The following DERA variants were observed in gnomAD, a reference collection of about 807,000 sequenced individuals.
The protein encoded by DERA is deoxyribose-phosphate aldolase.
Under a neutral mutation model 41.1 loss-of-function variants are expected in DERA, and 15 were observed. The ratio of observed to expected loss-of-function variants is 0.37; its 90% CI spans 0.24 to 0.56. The LOEUF (loss-of-function observed/expected upper bound fraction) is 0.56, where lower values mean the gene tolerates loss of function less well. Ranked by LOEUF, DERA falls within the 20% of genes least tolerant of loss-of-function variation. The pLI is 0.81. For synonymous variants in DERA, 139 were observed against 137.4 expected (o/e 1.01, Z -0.08); for missense variants, 396 against 403.4 (o/e 0.98, Z 0.16).
chr12:15,953,589 A>G (rs11056738), intron 1 of DERA, among the ~76,000 whole-genome samples: 33,828 of 152,136 alleles, frequency 0.22, 4,051 homozygotes, highest in Admixed American at 0.33. Context: ...AAGAGAAGAT[A>G]TCATTGCCTT....
intron 1 of DERA, among the ~76,000 whole-genome samples, chr12:15,919,983 T>C (rs1411389383): frequency 6.6e-6 from 1 of 151,142 alleles, no homozygotes; most frequent in African/African-American, 2.4e-5. Context: ...TGTGTGTGTG[T>C]GTGTGTGTGT....
intron 7 of DERA, among the ~76,000 whole-genome samples, chr12:16,033,443 C>A (rs965519960): frequency 1.3e-5 from 2 of 152,034 alleles, no homozygotes; most frequent in African/African-American, 2.4e-5. Flanking sequence ...TTTTTTGAAA[C>A]ATATGAAGTT....
At chr12:15,927,233 C>G (rs1278247427) in intron 1 of DERA, among the ~76,000 whole-genome samples, 2 of 151,966 alleles carry the variant, frequency 1.3e-5, no homozygotes, top group Non-Finnish European at 2.9e-5. Flanking sequence ...TTTCTAGGTC[C>G]CTGCATTGTC....
chr12:15,934,644 A>G (rs1024842095), intron 1 of DERA, among the ~76,000 whole-genome samples: 4 of 152,164 alleles, frequency 2.6e-5, no homozygotes, highest in Non-Finnish European at 2.9e-5. Context: ...AGTAAATTCA[A>G]AACAAAATGG....
At position 15,943,908 on chromosome 12, in the gene DERA, G is replaced by A. The variant is rs1440566784; in HGVS notation, c.32-13028G>A. Reference sequence around the variant, plus strand: ...CCCACCCCACGACAGACCCTGGTGTGTGATGTTCCCCTTCCTGTGTCCAAG... The same window carrying A: ...CCCACCCCACGACAGACCCTGGTGTATGATGTTCCCCTTCCTGTGTCCAAG... On this transcript the variant is annotated intron_variant, in intron 1 of 8. Coordinates refer to ENST00000428559, the MANE Select transcript of DERA (RefSeq NM_015954.4). This position sits in a 1 kb window ranked among gnomAD's most constrained non-coding sequence, Gnocchi z 4.5. 1.6e-5 allele frequency among the ~76,000 whole-genome samples: 2 copies of A among 125,496 alleles called. No individual in the cohort carries two copies. Among genetic ancestry groups the A allele is most frequent in the African/African-American group, 6.3e-5 (2 of 31,606 alleles). 82.3% of individuals were successfully genotyped at this position (125,496 alleles called of 152,430 possible). A position where few individuals can be genotyped will look rare whatever the true frequency, so the allele number is the denominator to read the frequency against.
At position 15,967,267 on chromosome 12, in the gene DERA, ATGGGAGGATTCCTTGAATG is replaced by A. The variant is rs1286143345; in HGVS notation, c.508+4337_508+4355del. On this transcript the variant is annotated intron_variant, in intron 5 of 8. Coordinates refer to ENST00000428559, the MANE Select transcript of DERA (RefSeq NM_015954.4). The surrounding 1 kb of genome is among the most constrained non-coding windows in gnomAD (Gnocchi z 4.9). ...CCAGCTACTCAAGGTTGGGCCTGAG[ATGGGAGGATTCCTTGAATG>A]TGGGAGGATTCCTTGAGCCTGGGAG... Among the ~76,000 whole-genome samples the A allele has an allele frequency of 9.2e-5, 14 of 151,820 alleles. No homozygotes were observed. In the East Asian group the frequency reaches 2.1e-3, roughly 23 times the overall value.
rs913122468 is a variant in DERA at position 15,922,536 on chromosome 12, A to T, written c.31+11122A>T. 6.6e-6 allele frequency among the ~76,000 whole-genome samples: 1 copy of T among 152,238 alleles called. No individual in the cohort carries two copies. Among genetic ancestry groups the T allele is most frequent in the Non-Finnish European group, 1.5e-5 (1 of 68,040 alleles). ...TGTAGAGTCTAGAAAATAGGCATTG[A>T]TGCTGATAATACTGAAGACCGTCTG... is the stretch of plus-strand genomic sequence containing the variant. On this transcript the variant is annotated intron_variant, in intron 1 of 8. Coordinates refer to ENST00000428559, the MANE Select transcript of DERA (RefSeq NM_015954.4). This position sits in a 1 kb window ranked among gnomAD's most constrained non-coding sequence, Gnocchi z 4.9.
In DERA at chr12:15,981,659, G is replaced by A. The variant is rs909678698; in HGVS notation, c.509-649G>A. On this transcript the variant is annotated intron_variant, in intron 5 of 8. Transcript: ENST00000428559. The surrounding 1 kb of genome is among the most constrained non-coding windows in gnomAD (Gnocchi z 6.1). ...AATGTGGAACCCTCCAAAGCCAGAT[G>A]TGGTACTGGGGTCATGGGCTCAGGG... Among the ~76,000 whole-genome samples the A allele has an allele frequency of 1.7e-4, 26 of 152,174 alleles. No homozygotes were observed. Among genetic ancestry groups the A allele is most frequent in the African/African-American group, 6.0e-4 (25 of 41,446 alleles).
intron 7 of DERA, among the ~76,000 whole-genome samples, chr12:16,033,375 T>G (rs1176044003): frequency 6.6e-6 from 1 of 152,228 alleles, no homozygotes; most frequent in Non-Finnish European, 1.5e-5. Context: ...TTTGGAAGAC[T>G]GTTAAGCTGA....
At chr12:15,926,822 T>A (rs193296043) in intron 1 of DERA, among the ~76,000 whole-genome samples, 54 of 149,910 alleles carry the variant, frequency 3.6e-4, no homozygotes, top group African/African-American at 1.3e-3. Flanking sequence ...TGGTTCTGAG[T>A]GGAGTTCTAG....
intron 6 of DERA, among the ~76,000 whole-genome samples, chr12:16,018,353 A>G (rs1948997592): frequency 6.6e-6 from 1 of 152,180 alleles, no homozygotes; most frequent in East Asian, 1.9e-4. Flanking sequence ...GTCTGCATTT[A>G]ATAACAATTA....
intron 4 of DERA, among the ~76,000 whole-genome samples, chr12:15,961,067 A>G (rs1002974859): frequency 6.6e-6 from 1 of 152,244 alleles, no homozygotes; most frequent in Admixed American, 6.5e-5. Flanking sequence ...GCGTGACGTG[A>G]TCAGCTTCAT....
intron 6 of DERA, among the ~76,000 whole-genome samples, chr12:16,002,084 T>C (rs1277373801): frequency 2.0e-5 from 3 of 151,870 alleles, no homozygotes; most frequent in East Asian, 1.9e-4. Context: ...GCTGCACCCA[T>C]TAACTCGTCA....
chr12:16,013,455 G>A lies in DERA; in HGVS notation c.638-19087G>A, dbSNP rs547450399. Among the ~76,000 whole-genome samples, 20 of 152,144 alleles carry A rather than the reference G, an allele frequency of 1.3e-4. No homozygotes were observed. The highest frequency in any genetic ancestry group is 4.6e-4 in the African/African-American group (19 of 41,524). ...ATAAGGAGTTCTCCTACCTTTGCTC[G>A]GCACTTCTTGCTGCTGCCTTGTGAA... On this transcript the variant is annotated intron_variant, in intron 6 of 8. Transcript: ENST00000428559. The surrounding 1 kb of genome is among the most constrained non-coding windows in gnomAD (Gnocchi z 5.8).
At chr12:15,961,273 C>T (rs1232068876) in intron 4 of DERA, among the ~76,000 whole-genome samples, 1 of 152,126 alleles carries the variant, frequency 6.6e-6, no homozygotes, top group Non-Finnish European at 1.5e-5. Flanking sequence ...GTCTTTAAAA[C>T]ATTAGTTTGG....
chr12:15,943,996 G>A lies in DERA; in HGVS notation c.32-12940G>A, dbSNP rs188894849. Among the ~76,000 whole-genome samples the A allele has an allele frequency of 2.0e-5, 3 of 150,074 alleles. No homozygotes were observed. The highest frequency in any genetic ancestry group is 4.4e-5 in the Non-Finnish European group (3 of 67,794). The stretch of plus-strand genomic sequence containing the variant: ...ATGCGGTGTTTGGTTTTTTGTCCTT[G>A]TGATAGTTTGCTGAGAATGATGGTT... On this transcript the variant is annotated intron_variant, in intron 1 of 8. Transcript: ENST00000428559. The surrounding 1 kb of genome is among the most constrained non-coding windows in gnomAD (Gnocchi z 4.5).
intron 5 of DERA, 28 bp downstream of exon 5, chr12:15,962,975 T>A (rs922758405): frequency 2.5e-6 from 4 of 1,594,604 alleles, no homozygotes; most frequent in Non-Finnish European, 3.4e-6. Flanking sequence ...CCTAAGAGAG[T>A]TTCACCATTC....
chr12:15,956,966 A>AT lies in DERA; in HGVS notation c.63dup (p.His22SerfsTer41). The stretch of plus-strand genomic sequence containing the variant: ...AGCTGGATCTCCAAAATACAAGTGA[A>AT]TCACCCGGCAGTTCTGAGGCGTGCG... On this transcript the variant is annotated frameshift_variant, in exon 2 of 9. Coordinates refer to ENST00000428559, the MANE Select transcript of DERA (RefSeq NM_015954.4). LOFTEE classifies it high-confidence loss of function. 6.2e-7 allele frequency: 1 copy of AT among 1,613,922 alleles called. No homozygotes were observed. The highest frequency in any genetic ancestry group is 8.5e-7 in the Non-Finnish European group (1 of 1,179,838).
chr12:15,927,311 T>A (rs1032030896), intron 1 of DERA, among the ~76,000 whole-genome samples: 2 of 152,218 alleles, frequency 1.3e-5, no homozygotes, highest in African/African-American at 4.8e-5. Context: ...GCTGATATTT[T>A]GAGAGGTGTT....
Sources: allele counts gnomAD v4.1 joint callset (sites outside exome capture counted in the v4.1 genomes callset), GRCh38; gene constraint gnomAD v4.1.1; non-coding constraint Gnocchi (gnomAD v3.1); transcripts MANE v1.5; gene names NCBI Gene and HGNC (gene_info 2026-07-23, HGNC 2026-07-21).